CNTNAP2: variants seen among roughly 807,000 people sequenced by gnomAD.
CNTNAP2 encodes contactin-associated protein-like 2.
In CNTNAP2, 98 loss-of-function variants were observed where a neutral mutation model predicts 155.2. That is an observed-to-expected ratio of 0.63 (90% CI 0.54 to 0.75). The LOEUF (loss-of-function observed/expected upper bound fraction) is 0.75, where lower values mean the gene tolerates loss of function less well. CNTNAP2 is among the 30% of genes least tolerant of loss of function. CNTNAP2 has a pLI of 0.00. For missense variants in CNTNAP2, 1,727 were observed against 1,688.1 expected, an observed-to-expected ratio of 1.02 and a Z score of -0.40; for synonymous variants, 651 against 631.2, an observed-to-expected ratio of 1.03 and a Z score of -0.47.
chr7:146,764,926 A>G (rs917327964), intron 1 of CNTNAP2, among the ~76,000 whole-genome samples: 2 of 152,182 alleles, frequency 1.3e-5, no homozygotes, highest in Non-Finnish European at 2.9e-5. Flanking sequence ...TTCAAAATAT[A>G]TGAAGACTTC....
chr7:147,728,678 T>G (rs1796685335), intron 13 of CNTNAP2, among the ~76,000 whole-genome samples: 1 of 152,048 alleles, frequency 6.6e-6, no homozygotes, highest in Admixed American at 6.6e-5. Context: ...TAATAATATC[T>G]AATCAATTTC....
chr7:146,273,938 C>T (rs978668798), intron 1 of CNTNAP2, among the ~76,000 whole-genome samples: 1 of 151,880 alleles, frequency 6.6e-6, no homozygotes, highest in Non-Finnish European at 1.5e-5. Context: ...TCATTTGCAA[C>T]CAAATCAGAA....
At chr7:147,875,707 C>T (rs1161702691) in intron 13 of CNTNAP2, among the ~76,000 whole-genome samples, 1 of 152,074 alleles carries the variant, frequency 6.6e-6, no homozygotes, top group African/African-American at 2.4e-5. Context: ...GCCTGGGCAA[C>T]ATAGTGAGAC....
At chr7:148,149,112 T>C (rs1443260880) in intron 17 of CNTNAP2, among the ~76,000 whole-genome samples, 2 of 152,170 alleles carry the variant, frequency 1.3e-5, no homozygotes, top group African/African-American at 4.8e-5. Flanking sequence ...TTCTATCTGG[T>C]TTTCATCATA....
At chr7:146,844,727 A>G (rs931407252) in intron 3 of CNTNAP2, among the ~76,000 whole-genome samples, 2 of 152,200 alleles carry the variant, frequency 1.3e-5, no homozygotes, top group Non-Finnish European at 2.9e-5. Context: ...TTTGTAGGAT[A>G]GGAACATACT....
At position 146,727,950 on chromosome 7, in the gene CNTNAP2, T is replaced by C. The variant is rs574547802; in HGVS notation, c.98-46321T>C. Among the ~76,000 whole-genome samples the C allele has an allele frequency of 3.9e-5, 6 of 152,246 alleles. No individual in the cohort carries two copies. In the South Asian group the frequency reaches 1.0e-3, roughly 26 times the overall value. ...CTAGCATTTTGCTGAGCATTCTGGTTGTCAGAAAAAGATAAAGCACCTGCT... is the reference window on the plus strand; with the variant it reads ...CTAGCATTTTGCTGAGCATTCTGGTCGTCAGAAAAAGATAAAGCACCTGCT... On this transcript the variant is annotated intron_variant, in intron 1 of 23. Coordinates refer to ENST00000361727, the MANE Select transcript of CNTNAP2 (RefSeq NM_014141.6).
chr7:147,595,292 C>T (rs150521920), intron 12 of CNTNAP2, among the ~76,000 whole-genome samples: 2,023 of 152,240 alleles, frequency 0.013, 22 homozygotes, highest in Middle Eastern at 0.037. Flanking sequence ...GATTTAGTAG[C>T]CCTGATCTCT....
chr7:146,627,349 T>A (rs1799436802), intron 1 of CNTNAP2, among the ~76,000 whole-genome samples: 1 of 152,164 alleles, frequency 6.6e-6, no homozygotes, highest in South Asian at 2.1e-4. Flanking sequence ...TGCTTGATAT[T>A]TGTATGCATT....
At chr7:146,427,859 G>T (rs1796115113) in intron 1 of CNTNAP2, among the ~76,000 whole-genome samples, 1 of 152,102 alleles carries the variant, frequency 6.6e-6, no homozygotes, top group Non-Finnish European at 1.5e-5. Flanking sequence ...ATTAAGCCCA[G>T]CATCCATCAG....
chr7:148,185,686 C>A (rs1015001310), intron 18 of CNTNAP2, among the ~76,000 whole-genome samples: 7 of 152,168 alleles, frequency 4.6e-5, no homozygotes, highest in African/African-American at 1.7e-4. Flanking sequence ...CTTTCTAAAG[C>A]TTTACTATTG....
At chr7:147,370,581 G>A (rs867967805) in intron 9 of CNTNAP2, among the ~76,000 whole-genome samples, 1 of 152,026 alleles carries the variant, frequency 6.6e-6, no homozygotes, top group Non-Finnish European at 1.5e-5. Context: ...TTATTTTGTT[G>A]GAGAACTGGT....
At chr7:147,777,462 G>A (rs34832267) in intron 13 of CNTNAP2, among the ~76,000 whole-genome samples, 37,159 of 151,998 alleles carry the variant, frequency 0.24, 5,464 homozygotes, top group East Asian at 0.45. Flanking sequence ...TCTACAGAAC[G>A]GCCCTGAAGA....
At chr7:147,974,423 A>G (rs981975686) in intron 14 of CNTNAP2, among the ~76,000 whole-genome samples, 7 of 152,084 alleles carry the variant, frequency 4.6e-5, no homozygotes, top group Non-Finnish European at 8.8e-5. Flanking sequence ...ATCTGAGGCC[A>G]GCACCAGCCT....
At chr7:146,660,315 G>T (rs1262163679) in intron 1 of CNTNAP2, among the ~76,000 whole-genome samples, 1 of 152,196 alleles carries the variant, frequency 6.6e-6, no homozygotes, top group Non-Finnish European at 1.5e-5. Context: ...CTTACATACA[G>T]TCAAAGATGG....
intron 13 of CNTNAP2, among the ~76,000 whole-genome samples, chr7:147,673,615 C>T (rs771082915): frequency 2.7e-4 from 41 of 152,090 alleles, no homozygotes; most frequent in African/African-American, 1.9e-4. Context: ...TACTTAGCTC[C>T]GATGAAATCT....
chr7:147,316,937 T>C (rs1795244135), intron 9 of CNTNAP2, among the ~76,000 whole-genome samples: 1 of 152,242 alleles, frequency 6.6e-6, no homozygotes, highest in Non-Finnish European at 1.5e-5. Flanking sequence ...AATACAAATT[T>C]ATAATTGCAT....
At chr7:146,268,187 G>A (rs1800024239) in intron 1 of CNTNAP2, among the ~76,000 whole-genome samples, 1 of 152,288 alleles carries the variant, frequency 6.6e-6, no homozygotes, top group East Asian at 1.9e-4. Context: ...TCAGTCGAAT[G>A]AATATCCAGG....
At chr7:146,122,256 G>A (rs1298638271) in intron 1 of CNTNAP2, among the ~76,000 whole-genome samples, 2 of 152,192 alleles carry the variant, frequency 1.3e-5, no homozygotes, top group African/African-American at 2.4e-5. Flanking sequence ...AGTAGGCTTT[G>A]CCTCTGCACT....
At chr7:146,958,354 A>T (rs975482756) in intron 3 of CNTNAP2, among the ~76,000 whole-genome samples, 3 of 149,780 alleles carry the variant, frequency 2.0e-5, no homozygotes, top group Admixed American at 6.7e-5. Flanking sequence ...CGCATCTAAA[A>T]TTTTTTTTAA....
Sources: allele counts gnomAD v4.1 joint callset (sites outside exome capture counted in the v4.1 genomes callset), GRCh38; gene constraint gnomAD v4.1.1; transcripts MANE v1.5; gene names NCBI Gene and HGNC (gene_info 2026-07-23, HGNC 2026-07-21).